The following ZNF749 variants were observed in gnomAD, a reference collection of about 807,000 sequenced individuals.
ZNF749 encodes the protein zinc finger protein 749.
In ZNF749, 8 loss-of-function variants were observed where a neutral mutation model predicts 7.3. The ratio of observed to expected loss-of-function variants is 1.10; its 90% CI spans 0.64 to 1.98. The LOEUF (loss-of-function observed/expected upper bound fraction) is 1.98, where lower values mean the gene tolerates loss of function less well. ZNF749 is among the 30% of genes most tolerant of loss of function. The pLI, the probability that ZNF749 is intolerant of heterozygous loss-of-function variation, is 0.00. For synonymous variants in ZNF749, 310 were observed against 322.4 expected (o/e 0.96, Z 0.41); for missense variants, 898 against 932.4 (o/e 0.96, Z 0.48).
Position 57,442,483 on chromosome 19 carries a change from A to G in ZNF749, c.142+472A>G, listed in dbSNP as rs1027572815. 4.1e-4 allele frequency among the ~76,000 whole-genome samples: 62 copies of G among 152,250 alleles called. No homozygotes were observed. The highest frequency in any genetic ancestry group is 1.8e-3 in the Admixed American group (28 of 15,298). On this transcript the variant is annotated intron_variant, in intron 2 of 2. Coordinates refer to ENST00000334181, the MANE Select transcript of ZNF749 (RefSeq NM_001023561.4). This position sits in a 1 kb window ranked among gnomAD's most constrained non-coding sequence, Gnocchi z 6.6. ...TGTTCTGGTAGCTTTAGAATGCAGCATGTCCTGGGTTTATTGCTCTGTGTA... is the reference window on the plus strand; with the variant it reads ...TGTTCTGGTAGCTTTAGAATGCAGCGTGTCCTGGGTTTATTGCTCTGTGTA...
chr19:57,437,008 G>GA (rs953066343), intron 1 of ZNF749, among the ~76,000 whole-genome samples: 61 of 151,714 alleles, frequency 4.0e-4, no homozygotes, highest in African/African-American at 1.5e-3. Flanking sequence ...TTTTTTTAAG[G>GA]AAAAAAGAAG....
chr19:57,434,151 A>G (rs138995995), upstream of ZNF749, among the ~76,000 whole-genome samples: 75 of 152,136 alleles, frequency 4.9e-4, no homozygotes, highest in Non-Finnish European at 3.1e-4. Flanking sequence ...GGGCTGGAGT[A>G]CAATGGCGAG....
rs2089024856 is a variant in ZNF749 at position 57,443,983 on chromosome 19, C to T, written c.835C>T (p.Leu279Phe). The T allele has an allele frequency of 4.3e-6, 7 of 1,613,684 alleles. No individual in the cohort carries two copies. Among genetic ancestry groups the T allele is most frequent in the Non-Finnish European group, 5.9e-6 (7 of 1,179,860 alleles). The change falls in exon 3 of 3, where the codon CTT (leucine) becomes TTT (phenylalanine). Residue 279 changes from leucine to phenylalanine, a missense_variant. By Grantham distance (22) the Leu-to-Phe change is conservative. Coordinates refer to ENST00000334181, the MANE Select transcript of ZNF749 (RefSeq NM_001023561.4). ...CCAGAAAATTCACAGTGAAGGCTTT[C>T]TTTCAAAAAGGTCTGACCCCATTGA... ...QHQKIHSEGF[L>F]SKRSDPIEHQ...
In ZNF749 at chr19:57,443,922, A is replaced by G. The variant is rs777030740; in HGVS notation, c.774A>G (p.Gly258=). The change falls in exon 3 of 3, where the codon GGA becomes GGG. Residue 258 remains glycine (G), a synonymous_variant. Transcript: ENST00000334181. Reference sequence around the variant, plus strand: ...GGCCTTATGAGGGCACTGAATATGGAAAGACCTTTATTAGAAAGTCCAACC... The same window carrying G: ...GGCCTTATGAGGGCACTGAATATGGGAAGACCTTTATTAGAAAGTCCAACC... ...GERPYEGTEY[G]KTFIRKSNLV... is the part of the protein sequence containing the mutation. 5.0e-6 allele frequency: 8 copies of G among 1,613,922 alleles called. No individual in the cohort carries two copies. In the South Asian group the frequency reaches 6.6e-5, roughly 13 times the overall value.
Position 57,446,539 on chromosome 19 carries a change from A to C in ZNF749, c.*1054A>C, listed in dbSNP as rs2089067668. Reference sequence around the variant, plus strand: ...TTTTAGTCTTTTGTGACTTATTTTGAGGCTTATTTCCCTAAATGTCTTCAA... The same window carrying C: ...TTTTAGTCTTTTGTGACTTATTTTGCGGCTTATTTCCCTAAATGTCTTCAA... On this transcript the variant is annotated 3_prime_UTR_variant, in exon 3 of 3. Transcript: ENST00000334181. Among the ~76,000 whole-genome samples the C allele has an allele frequency of 6.6e-6, 1 of 152,218 alleles. No individual in the cohort carries two copies. The highest frequency in any genetic ancestry group is 1.5e-5 in the Non-Finnish European group (1 of 68,040).
Position 57,445,307 on chromosome 19 carries a change from G to C in ZNF749, c.2159G>C (p.Gly720Ala), listed in dbSNP as rs1354378826. The C allele has an allele frequency of 1.2e-6, 2 of 1,613,742 alleles. No homozygotes were observed. The highest frequency in any genetic ancestry group is 2.7e-5 in the African/African-American group (2 of 74,882). The change falls in exon 3 of 3, where the codon GGA becomes GCA. Residue 720 changes from glycine (G) to alanine (A), a missense_variant. Coordinates refer to ENST00000334181, the MANE Select transcript of ZNF749 (RefSeq NM_001023561.4). ...ATTATACATCAGCAGTCTCACACTG[G>C]AGAAAGTCCTTTTAAGTTAAGGGAA... is the stretch of plus-strand genomic sequence containing the variant. The part of the protein sequence containing the change: ...SLIIHQQSHT[G>A]ESPFKLRECG...
intron 1 of ZNF749, among the ~76,000 whole-genome samples, chr19:57,438,715 T>C (rs1357529866): frequency 1.3e-5 from 2 of 152,114 alleles, no homozygotes; most frequent in Non-Finnish European, 2.9e-5. Context: ...CATCCTGATA[T>C]AGGGAAAGGT....
chr19:57,445,279 C>T lies in ZNF749; in HGVS notation c.2131C>T (p.Leu711Phe), dbSNP rs1336961495. The T allele has an allele frequency of 6.2e-7, 1 of 1,613,818 alleles. No individual in the cohort carries two copies. Among genetic ancestry groups the T allele is most frequent in the Non-Finnish European group, 8.5e-7 (1 of 1,179,906 alleles). The change falls in exon 3 of 3, where the codon CTT becomes TTT. Residue 711 changes from leucine to phenylalanine, a missense_variant. Transcript: ENST00000334181. The stretch of plus-strand genomic sequence containing the variant: ...GGAATTGTTTAGGACTAAATCGAGC[C>T]TTATTATACATCAGCAGTCTCACAC... ...CRELFRTKSS[L>F]IIHQQSHTGE...
In ZNF749 at chr19:57,445,242, C is replaced by T; in HGVS notation, c.2094C>T (p.Cys698=). ...KVCTGEKPHE[C]SKCRELFRTK... The stretch of plus-strand genomic sequence containing the variant: ...GCACTGGGGAGAAGCCTCATGAGTG[C>T]AGTAAATGTAGGGAATTGTTTAGGA... The change falls in exon 3 of 3, where the codon TGC becomes TGT. Residue 698 remains cysteine (C), a synonymous_variant. Transcript: ENST00000334181. 1 of 1,613,962 alleles carries T rather than the reference C, an allele frequency of 6.2e-7. No homozygotes were observed. The highest frequency in any genetic ancestry group is 8.5e-7 in the Non-Finnish European group (1 of 1,179,894).
rs1307191765 is a variant in ZNF749 at position 57,436,683 on chromosome 19, C to A, written c.15+1090C>A. On this transcript the variant is annotated intron_variant, in intron 1 of 2. Coordinates refer to ENST00000334181, the MANE Select transcript of ZNF749 (RefSeq NM_001023561.4). The surrounding 1 kb of genome is among the most constrained non-coding windows in gnomAD (Gnocchi z 4.0). ...TCCAAAACTGGGCAGGGCTTTCTCA[C>A]ATCCTCCACCACAGTTAAGGGCCTC... 6.6e-6 allele frequency among the ~76,000 whole-genome samples: 1 copy of A among 152,220 alleles called. No individual in the cohort carries two copies. The highest frequency in any genetic ancestry group is 1.5e-5 in the Non-Finnish European group (1 of 68,046).
chr19:57,433,475 C>T (rs2088909381), upstream of ZNF749, among the ~76,000 whole-genome samples: 1 of 152,110 alleles, frequency 6.6e-6, no homozygotes, highest in South Asian at 2.1e-4. Context: ...TTTCTCACAC[C>T]TAAATAAGGA....
the ZNF749 span, among the ~76,000 whole-genome samples, chr19:57,428,786 T>C: frequency 6.6e-6 from 1 of 152,190 alleles, no homozygotes. Flanking sequence ...GAACTTCTAG[T>C]TTTTGCTCTC....
chr19:57,435,480 C>T lies in ZNF749; in HGVS notation c.-99C>T. The T allele has an allele frequency of 1.3e-6, 2 of 1,519,956 alleles. No homozygotes were observed. Among genetic ancestry groups the T allele is most frequent in the Non-Finnish European group, 1.8e-6 (2 of 1,125,504 alleles). 94.2% of individuals were successfully genotyped at this position (1,519,956 alleles called of 1,614,324 possible). ...TCTACACAGAGGCTAGAGTGCGGATCGGCTGAGTCGGCTGCAGGCGCCCCT... is the reference window on the plus strand; with the variant it reads ...TCTACACAGAGGCTAGAGTGCGGATTGGCTGAGTCGGCTGCAGGCGCCCCT... On this transcript the variant is annotated 5_prime_UTR_variant, in exon 1 of 3. Coordinates refer to ENST00000334181, the MANE Select transcript of ZNF749 (RefSeq NM_001023561.4).
In ZNF749 at chr19:57,444,844, C is replaced by G. The variant is rs1262281775; in HGVS notation, c.1696C>G (p.Leu566Val). ...YVCSECGKAF[L>V]TQAHLDGHQK... ...GTGTAGTGAATGTGGGAAGGCCTTC[C>G]TTACACAGGCTCATCTAGATGGTCA... Residue 566 changes from leucine to valine, a missense_variant, in exon 3 of 3, where the codon CTT (leucine) becomes GTT (valine). Transcript: ENST00000334181. 1 of 1,613,952 alleles carries G rather than the reference C, an allele frequency of 6.2e-7. No individual in the cohort carries two copies. The highest frequency in any genetic ancestry group is 8.5e-7 in the Non-Finnish European group (1 of 1,180,000).
chr19:57,435,174 TG>T (rs1315991177), upstream of ZNF749, among the ~76,000 whole-genome samples: 2 of 152,126 alleles, frequency 1.3e-5, no homozygotes, highest in Non-Finnish European at 2.9e-5. Flanking sequence ...GGCAGCAGCG[TG>T]GGAACTACAT....
At chr19:57,438,729 G>A (rs2088959078) in intron 1 of ZNF749, among the ~76,000 whole-genome samples, 1 of 152,168 alleles carries the variant, frequency 6.6e-6, no homozygotes, top group South Asian at 2.1e-4. Flanking sequence ...GAAAGGTGGT[G>A]TCCTGAAACT....
chr19:57,444,703 G>T lies in ZNF749; in HGVS notation c.1555G>T (p.Ala519Ser), dbSNP rs760832939. The T allele has an allele frequency of 6.9e-5, 111 of 1,611,166 alleles. No individual in the cohort carries two copies. Among genetic ancestry groups the T allele is most frequent in the Non-Finnish European group, 5.7e-5 (67 of 1,179,378 alleles). ...TTATGAATGCACTCAATGTGCGAAG[G>T]CCTTTGTTAGAAAGTCCCACCTAGT... ...RPYECTQCAK[A>S]FVRKSHLVQH... Residue 519 changes from alanine (A) to serine (S), a missense_variant, in exon 3 of 3, where the codon GCC (alanine) becomes TCC (serine). Ala to Ser is a moderately conservative substitution (Grantham distance 99, BLOSUM62 1). Transcript: ENST00000334181.
chr19:57,443,384 C>T lies in ZNF749; in HGVS notation c.236C>T (p.Ser79Phe). 6.2e-7 allele frequency: 1 copy of T among 1,614,220 alleles called. No homozygotes were observed. The highest frequency in any genetic ancestry group is 1.3e-5 in the African/African-American group (1 of 75,060). ...LQVTIPKPAL[S>F]TLKAQPCKMC... ...GTCACAATTCCAAAGCCAGCTTTGT[C>T]CACCCTGAAGGCCCAGCCCTGCAAG... The change falls in exon 3 of 3, where the codon TCC becomes TTC. Residue 79 changes from serine to phenylalanine, a missense_variant. Coordinates refer to ENST00000334181, the MANE Select transcript of ZNF749 (RefSeq NM_001023561.4).
In ZNF749 at chr19:57,435,334, G is replaced by T. The variant is rs537724808; in HGVS notation, c.-245G>T. 8.2e-6 allele frequency: 5 copies of T among 609,304 alleles called. No individual in the cohort carries two copies. The highest frequency in any genetic ancestry group is 2.8e-5 in the East Asian group (1 of 35,952). The allele number at this position is 609,304 out of a possible 1,614,324, so 37.7% of individuals were successfully genotyped here. The stretch of plus-strand genomic sequence containing the variant: ...CAATTGTGTGGGCGGGACTTCTGGC[G>T]GCGCCCTCATGGTTGCGTTAGCATG... On this transcript the variant is annotated 5_prime_UTR_variant, in exon 1 of 3. Transcript: ENST00000334181.
Sources: allele counts gnomAD v4.1 joint callset (sites outside exome capture counted in the v4.1 genomes callset), GRCh38; gene constraint gnomAD v4.1.1; non-coding constraint Gnocchi (gnomAD v3.1); transcripts MANE v1.5; gene names NCBI Gene and HGNC (gene_info 2026-07-23, HGNC 2026-07-21).